NUBPL: variants seen among roughly 807,000 people sequenced by gnomAD.
NUBPL encodes iron-sulfur cluster transfer protein NUBPL.
A neutral mutation model predicts 45.7 loss-of-function variants in NUBPL; 31 were observed. The ratio of observed to expected loss-of-function variants is 0.68; its 90% confidence interval spans 0.51 to 0.92. The LOEUF is 0.92. Ranked by LOEUF, NUBPL falls within the 40% of genes least tolerant of loss-of-function variation. The pLI, the probability that NUBPL is intolerant of heterozygous loss-of-function variation, is 0.00. For synonymous variants in NUBPL, 144 were observed against 140.9 expected (o/e 1.02, Z -0.15); for missense variants, 401 against 398.7 (o/e 1.01, Z -0.05).
intron 3 of NUBPL, among the ~76,000 whole-genome samples, chr14:31,585,486 A>T (rs111884590): frequency 6.6e-6 from 1 of 152,184 alleles, no homozygotes; most frequent in African/African-American, 2.4e-5. Context: ...TTTGGCTATC[A>T]TGACTCATGC....
intron 6 of NUBPL, among the ~76,000 whole-genome samples, chr14:31,708,842 T>G (rs534636012): frequency 6.6e-6 from 1 of 152,292 alleles, no homozygotes; most frequent in South Asian, 2.1e-4. Context: ...TCTGGGGCAG[T>G]GCACCTTCCA....
At chr14:31,726,851 A>T (rs1026009430) in intron 6 of NUBPL, among the ~76,000 whole-genome samples, 2 of 150,992 alleles carry the variant, frequency 1.3e-5, no homozygotes, top group Non-Finnish European at 2.9e-5. Context: ...CAGTGGCACT[A>T]TCAATGTTTT....
Position 31,850,124 on chromosome 14 carries a change from A to C in NUBPL, c.820A>C (p.Ile274Leu). The part of the protein sequence containing the change: ...QTLGLEVLGD[I>L]PLHLNIREAS... ...TGTCTGCTGGGCTCTTTTAGGAGAC[A>C]TTCCCTTACACCTTAATATAAGGGA... Residue 274 changes from isoleucine to leucine, a missense_variant, in exon 10 of 11, where the codon ATT becomes CTT. Coordinates refer to ENST00000281081, the MANE Select transcript of NUBPL (RefSeq NM_025152.3). 3 of 1,613,152 alleles carry C rather than the reference A, an allele frequency of 1.9e-6. No homozygotes were observed. Among genetic ancestry groups the C allele is most frequent in the Non-Finnish European group, 2.5e-6 (3 of 1,179,190 alleles).
At chr14:31,680,761 C>T (rs555632382) in intron 6 of NUBPL, among the ~76,000 whole-genome samples, 62 of 152,084 alleles carry the variant, frequency 4.1e-4, no homozygotes, top group African/African-American at 1.3e-3. Flanking sequence ...ATAACTAATA[C>T]GGTGTAAATA....
intron 6 of NUBPL, among the ~76,000 whole-genome samples, chr14:31,698,216 G>A (rs1483404761): frequency 6.6e-6 from 1 of 151,990 alleles, no homozygotes; most frequent in African/African-American, 2.4e-5. Flanking sequence ...TAAAATAATG[G>A]TGTATCTTCC....
intron 6 of NUBPL, among the ~76,000 whole-genome samples, chr14:31,727,405 A>G (rs887538700): frequency 7.2e-5 from 11 of 152,182 alleles, no homozygotes; most frequent in African/African-American, 2.7e-4. Context: ...GGAGAGTTCA[A>G]AAGGAGGGGT....
In NUBPL at chr14:31,562,145, G is replaced by C; in HGVS notation, c.186G>C (p.Pro62=). ...CCCGAGGACTTCCAAAGCAGAAACCGATAGAAGGTGTTAAACAAGTTATAG... is the reference window on the plus strand; with the variant it reads ...CCCGAGGACTTCCAAAGCAGAAACCCATAGAAGGTGTTAAACAAGTTATAG... The part of the protein sequence containing the change: ...IMSRGLPKQK[P]IEGVKQVIVV... Residue 62 remains proline, a synonymous_variant, in exon 2 of 11, where the codon CCG becomes CCC. Transcript: ENST00000281081. 1 of 1,613,990 alleles carries C rather than the reference G, an allele frequency of 6.2e-7. No individual in the cohort carries two copies. Among genetic ancestry groups the C allele is most frequent in the Non-Finnish European group, 8.5e-7 (1 of 1,179,876 alleles).
intron 6 of NUBPL, among the ~76,000 whole-genome samples, chr14:31,749,784 C>G (rs1286967781): frequency 3.3e-5 from 5 of 152,098 alleles, no homozygotes. Flanking sequence ...TTTCATTAAA[C>G]ATGTTTTTGG....
At chr14:31,615,954 A>G (rs1318944661) in intron 4 of NUBPL, among the ~76,000 whole-genome samples, 1 of 152,058 alleles carries the variant, frequency 6.6e-6, no homozygotes, top group Non-Finnish European at 1.5e-5. Flanking sequence ...CCTCTCCAGC[A>G]TCTCGTTTCT....
At chr14:31,605,520 A>G (rs1361532653) in intron 4 of NUBPL, among the ~76,000 whole-genome samples, 3 of 152,228 alleles carry the variant, frequency 2.0e-5, no homozygotes, top group African/African-American at 7.2e-5. Context: ...ATTGTGGGAT[A>G]GTAATTTTGC....
intron 6 of NUBPL, among the ~76,000 whole-genome samples, chr14:31,759,728 A>G (rs374729452): frequency 6.6e-6 from 1 of 150,884 alleles, no homozygotes; most frequent in Admixed American, 6.7e-5. Flanking sequence ...ATGTGGTATA[A>G]TAAATATTCT....
chr14:31,609,545 C>G (rs1566445306), intron 4 of NUBPL, among the ~76,000 whole-genome samples: 3 of 152,052 alleles, frequency 2.0e-5, no homozygotes, highest in African/African-American at 7.2e-5. Flanking sequence ...AAAGAAACAT[C>G]AGACTTTATC....
chr14:31,576,594 T>A (rs1164418300), intron 3 of NUBPL, among the ~76,000 whole-genome samples: 2 of 152,108 alleles, frequency 1.3e-5, no homozygotes, highest in Non-Finnish European at 2.9e-5. Flanking sequence ...AGAGACTGTT[T>A]GGGAGATTGT....
At chr14:31,789,320 T>C (rs1251295027) in intron 7 of NUBPL, among the ~76,000 whole-genome samples, 2 of 12 alleles carry the variant, frequency 0.17, no homozygotes, top group African/African-American at 0.2. Flanking sequence ...AGTGAGACTC[T>C]TGTCTCAAAA....
At chr14:31,832,774 A>G (rs2040213753) in intron 8 of NUBPL, among the ~76,000 whole-genome samples, 1 of 152,218 alleles carries the variant, frequency 6.6e-6, no homozygotes, top group Non-Finnish European at 1.5e-5. Context: ...TTTGAATTGT[A>G]GATCCCAGCT....
chr14:31,609,147 A>C (rs551359148), intron 4 of NUBPL, among the ~76,000 whole-genome samples: 4 of 152,136 alleles, frequency 2.6e-5, no homozygotes, highest in African/African-American at 9.7e-5. Context: ...ATAAAAAAAA[A>C]CAAGACCCAT....
At chr14:31,847,514 C>T (rs947749079) in intron 9 of NUBPL, among the ~76,000 whole-genome samples, 19 of 152,136 alleles carry the variant, frequency 1.2e-4, no homozygotes, top group African/African-American at 4.6e-4. Flanking sequence ...AAGCAAAACA[C>T]AGGTTTTGGA....
At chr14:31,717,008 A>T (rs2037704802) in intron 6 of NUBPL, among the ~76,000 whole-genome samples, 2 of 152,222 alleles carry the variant, frequency 1.3e-5, no homozygotes, top group African/African-American at 4.8e-5. Context: ...ATTCCTATAT[A>T]ATCTGAGATA....
intron 4 of NUBPL, among the ~76,000 whole-genome samples, chr14:31,600,062 C>T (rs2034389408): frequency 3.3e-5 from 5 of 151,726 alleles, no homozygotes. Flanking sequence ...GCTGGGACTA[C>T]AGGTGCACGC....
Sources: allele counts gnomAD v4.1 joint callset (sites outside exome capture counted in the v4.1 genomes callset), GRCh38; gene constraint gnomAD v4.1.1; transcripts MANE v1.5; gene names NCBI Gene and HGNC (gene_info 2026-07-23, HGNC 2026-07-21).